ZNF334: variants seen among roughly 807,000 people sequenced by gnomAD.
The protein encoded by ZNF334 is zinc finger protein 334.
ZNF334 carries 14 observed loss-of-function variants against 12.4 expected under a neutral mutation model. That is an observed-to-expected ratio of 1.13 (90% CI 0.74 to 1.76). ZNF334 has a LOEUF of 1.76. Ranked by LOEUF, ZNF334 falls within the 40% of genes most tolerant of loss-of-function variation. The pLI, the probability that ZNF334 is intolerant of heterozygous loss-of-function variation, is 0.00. For missense variants in ZNF334, 797 were observed against 804.5 expected (o/e 0.99, Z 0.11); for synonymous variants, 273 against 269.6 (o/e 1.01, Z -0.12).
At position 46,502,908 on chromosome 20, in the gene ZNF334, T is replaced by C. The variant is rs761609475; in HGVS notation, c.431A>G (p.Lys144Arg). ...TGCAACAATTACTTCTGAATTAGTT[T>C]TCAAACTGTTTCCTCCTGGATTACA... ...YKCNPGGNSL[K>R]TNSEVIVAKK... The change falls in exon 5 of 5, where the codon AAA becomes AGA. Residue 144 changes from lysine (K) to arginine (R), a missense_variant. By Grantham distance (26) the Lys-to-Arg change is conservative. Coordinates refer to ENST00000692313, the MANE Select transcript of ZNF334 (RefSeq NM_001353824.2). 2.5e-6 allele frequency: 4 copies of C among 1,613,902 alleles called. No homozygotes were observed. The African/African-American group carries it at 5.3e-5, about 22-fold the overall frequency.
the ZNF334 span, among the ~76,000 whole-genome samples, chr20:46,488,417 T>TATATATATATATATATATATATATA: frequency 1.6e-4 from 16 of 98,014 alleles, no homozygotes; most frequent in African/African-American, 7.4e-4. Flanking sequence ...GTAGCTCTTA[T>TATATATATATATATATATATATATA]TTTATATATA....
Position 46,502,101 on chromosome 20 carries a change from GT to G in ZNF334, c.1237del (p.Thr413ProfsTer41), listed in dbSNP as rs1568855879. 1.2e-6 allele frequency: 2 copies of G among 1,614,144 alleles called. No homozygotes were observed. The highest frequency in any genetic ancestry group is 1.6e-4 in the Middle Eastern group (1 of 6,062). Reference protein sequence around the residue: ...KPYECSECEKTFFCQSALNVH... With the variant: ...KPYECSECEKXFFCQSALNVH... ...ATTGAGGGCAGATTGACAAAAGAAG[GT>G]TTTCTCACATTCACTACATTCATAG... On this transcript the variant is annotated frameshift_variant, in exon 5 of 5. Transcript: ENST00000692313. LOFTEE classifies it low-confidence loss of function (END_TRUNC).
Position 46,502,553 on chromosome 20 carries a change from C to G in ZNF334, c.786G>C (p.Glu262Asp). 6.2e-7 allele frequency: 1 copy of G among 1,613,772 alleles called. No individual in the cohort carries two copies. Among genetic ancestry groups the G allele is most frequent in the Non-Finnish European group, 8.5e-7 (1 of 1,179,878 alleles). ...TACAATCACTACAAACATACGGTTT[C>G]TCCCCTGTATGAATTCTCTGATGTA... ...LIVHQRIHTG[E>D]KPYVCSDCRK... Residue 262 changes from glutamate to aspartate, a missense_variant, in exon 5 of 5, where the codon GAG becomes GAC. Glu to Asp is a conservative substitution (Grantham distance 45). Coordinates refer to ENST00000692313, the MANE Select transcript of ZNF334 (RefSeq NM_001353824.2).
the ZNF334 span, among the ~76,000 whole-genome samples, chr20:46,479,300 A>G: frequency 2.2e-4 from 34 of 152,256 alleles, no homozygotes; most frequent in South Asian, 2.7e-3. Context: ...CGGATAATCC[A>G]GGATAATTGT....
downstream of ZNF334, among the ~76,000 whole-genome samples, chr20:46,495,357 G>C (rs2061004421): frequency 6.6e-6 from 1 of 150,850 alleles, no homozygotes; most frequent in Non-Finnish European, 1.5e-5. Context: ...AATCATACTA[G>C]ATTAGGGTGG....
At chr20:46,497,357 G>A (rs2061041097), downstream of ZNF334, among the ~76,000 whole-genome samples, 1 of 152,210 alleles carries the variant, frequency 6.6e-6, no homozygotes, top group African/African-American at 2.4e-5. Context: ...AAGTTAGCTG[G>A]AGATTTTCTA....
At chr20:46,464,711 C>T in the ZNF334 span, 2 of 467,462 alleles carry the variant, frequency 4.3e-6, no homozygotes, top group African/African-American at 2.0e-5. Flanking sequence ...CAGCTGTTTG[C>T]TCTTTCTCTG....
At chr20:46,482,734 A>T in the ZNF334 span, among the ~76,000 whole-genome samples, 1 of 152,190 alleles carries the variant, frequency 6.6e-6, no homozygotes, top group African/African-American at 2.4e-5. Flanking sequence ...CATCAATGAC[A>T]CAGGGGAATA....
the ZNF334 span, among the ~76,000 whole-genome samples, chr20:46,462,689 T>G: frequency 6.6e-6 from 1 of 152,222 alleles, no homozygotes; most frequent in Non-Finnish European, 1.5e-5. Context: ...TTTCTTTATA[T>G]AGACAGGCAG....
chr20:46,467,615 G>T, the ZNF334 span, among the ~76,000 whole-genome samples: 2 of 152,216 alleles, frequency 1.3e-5, no homozygotes, highest in African/African-American at 2.4e-5. Context: ...GTTGTATTGA[G>T]TCTTCTCCAC....
At chr20:46,487,257 AT>A in the ZNF334 span, among the ~76,000 whole-genome samples, 3 of 152,162 alleles carry the variant, frequency 2.0e-5, no homozygotes, top group Non-Finnish European at 4.4e-5. Context: ...ATCTGTCTAT[AT>A]TTGTATATGG....
chr20:46,470,549 C>T, the ZNF334 span, among the ~76,000 whole-genome samples: 3 of 152,078 alleles, frequency 2.0e-5, no homozygotes, highest in South Asian at 4.1e-4. Flanking sequence ...GAGAGGAACG[C>T]GAGGGACAGA....
chr20:46,498,413 G>T (rs2061060080), downstream of ZNF334, among the ~76,000 whole-genome samples: 1 of 152,216 alleles, frequency 6.6e-6, no homozygotes, highest in African/African-American at 2.4e-5. Context: ...AGAGGTCCAT[G>T]TGATGAAGAA....
chr20:46,503,266 T>C (rs113685596), intron 4 of ZNF334, among the ~76,000 whole-genome samples, 169 bp from the exon 5 acceptor site: 18 of 152,056 alleles, frequency 1.2e-4, no homozygotes, highest in African/African-American at 3.6e-4. Flanking sequence ...TTTGAAGAAA[T>C]ACAGAAACAA....
the ZNF334 span, among the ~76,000 whole-genome samples, chr20:46,471,747 A>G: frequency 6.6e-6 from 1 of 152,150 alleles, no homozygotes; most frequent in Non-Finnish European, 1.5e-5. Context: ...CATAAGCTAT[A>G]TAGGTTTATT....
the ZNF334 span, chr20:46,464,215 C>G: frequency 3.8e-6 from 2 of 533,334 alleles, no homozygotes; most frequent in Non-Finnish European, 7.4e-6. Context: ...ATCAAAATCC[C>G]TGCACGCCTG....
At position 46,500,117 on chromosome 20, in the gene ZNF334, C is replaced by G. The variant is rs1222401827; in HGVS notation, c.*1179G>C. 1 of 152,206 alleles carries G rather than the reference C, an allele frequency of 6.6e-6. No individual in the cohort carries two copies. The highest frequency in any genetic ancestry group is 1.5e-5 in the Non-Finnish European group (1 of 68,048). 9.4% of individuals were successfully genotyped at this position (152,206 alleles called of 1,614,324 possible). On this transcript the variant is annotated 3_prime_UTR_variant, in exon 5 of 5. Transcript: ENST00000692313. Reference sequence around the variant, plus strand: ...GTGACAAGAAATTATACTTGCAGGTCAGCCCACAATGAAGAGGGAGTTCAG... The same window carrying G: ...GTGACAAGAAATTATACTTGCAGGTGAGCCCACAATGAAGAGGGAGTTCAG...
the ZNF334 span, among the ~76,000 whole-genome samples, chr20:46,479,902 T>C: frequency 5.3e-5 from 8 of 152,236 alleles, no homozygotes; most frequent in Admixed American, 6.5e-5. Context: ...TCAAATAGTT[T>C]AACTCTTTCA....
In ZNF334 at chr20:46,501,047, A is replaced by C. The variant is rs1240079831; in HGVS notation, c.*249T>G. On this transcript the variant is annotated 3_prime_UTR_variant, in exon 5 of 5. Coordinates refer to ENST00000692313, the MANE Select transcript of ZNF334 (RefSeq NM_001353824.2). The stretch of plus-strand genomic sequence containing the variant: ...TGTTTCATTATTTTAAAAGGGAGGC[A>C]CATTTGGCATAACCTTTGAATTGCT... 16 of 431,324 alleles carry C rather than the reference A, an allele frequency of 3.7e-5. No individual in the cohort carries two copies. The Admixed American group carries it at 6.3e-4, about 17-fold the overall frequency. 26.7% of individuals were successfully genotyped at this position (431,324 alleles called of 1,614,324 possible). A position where few individuals can be genotyped will look rare whatever the true frequency, so the allele number is the denominator to read the frequency against.
Sources: gnomAD v4.1 joint callset for allele counts (sites outside exome capture counted in the v4.1 genomes callset) on GRCh38, gnomAD v4.1.1 for gene constraint, MANE v1.5 for transcripts, NCBI Gene and HGNC (gene_info 2026-07-23, HGNC 2026-07-21) for gene names.